Variants in TRAPPC9 observed in about 807,000 individuals in gnomAD.
TRAPPC9 encodes the protein trafficking protein particle complex subunit 9.
TRAPPC9 carries 83 observed loss-of-function variants against 124.0 expected under a neutral mutation model. The ratio of observed to expected loss-of-function variants is 0.67; its 90% CI spans 0.56 to 0.80. The LOEUF (loss-of-function observed/expected upper bound fraction) is 0.80, where lower values mean the gene tolerates loss of function less well. Among genes scored for constraint, TRAPPC9 ranks in the 30% least tolerant of loss-of-function variants. The pLI is 0.00. For synonymous variants in TRAPPC9, 638 were observed against 617.5 expected (o/e 1.03, Z -0.49); for missense variants, 1,302 against 1,508.3 (o/e 0.86, Z 2.27).
At chr8:140,286,841 A>T (rs1449663907) in intron 13 of TRAPPC9, among the ~76,000 whole-genome samples, 1 of 152,212 alleles carries the variant, frequency 6.6e-6, no homozygotes, top group Non-Finnish European at 1.5e-5. Flanking sequence ...AGGCCAGGGC[A>T]TCGGTGGGAT....
At chr8:139,737,432 C>T (rs1473742873) in intron 21 of TRAPPC9, among the ~76,000 whole-genome samples, 2 of 151,576 alleles carry the variant, frequency 1.3e-5, no homozygotes, top group Non-Finnish European at 2.9e-5. Flanking sequence ...CGCAGAGCAC[C>T]TTCCCACAGC....
intron 19 of TRAPPC9, among the ~76,000 whole-genome samples, chr8:139,971,748 TACAC>T (rs6150859): frequency 2.7e-5 from 4 of 145,964 alleles, no homozygotes; most frequent in Non-Finnish European, 4.5e-5. Context: ...CATATATATA[TACAC>T]ACACACACAC....
intron 5 of TRAPPC9, among the ~76,000 whole-genome samples, chr8:140,419,454 A>G (rs2070111440): frequency 7.5e-6 from 1 of 132,688 alleles, no homozygotes; most frequent in South Asian, 2.3e-4. Context: ...AAAAAAAAAC[A>G]AAACAAAACA....
chr8:139,763,271 T>C (rs1820360330), intron 21 of TRAPPC9, among the ~76,000 whole-genome samples: 1 of 152,198 alleles, frequency 6.6e-6, no homozygotes, highest in Non-Finnish European at 1.5e-5. Context: ...GATTAAAACG[T>C]GGCTCTGGCG....
At chr8:140,294,631 T>TG (rs1252412860) in intron 11 of TRAPPC9, among the ~76,000 whole-genome samples, 1 of 151,980 alleles carries the variant, frequency 6.6e-6, no homozygotes, top group Non-Finnish European at 1.5e-5. Flanking sequence ...TTTTTTGAGA[T>TG]GGAGTATCAC....
At chr8:140,121,752 C>T (rs942761500) in intron 17 of TRAPPC9, among the ~76,000 whole-genome samples, 4 of 152,172 alleles carry the variant, frequency 2.6e-5, no homozygotes, top group Admixed American at 2.0e-4. Flanking sequence ...TTAAAGGGCT[C>T]CTCTGGAGAG....
At chr8:140,361,037 A>C (rs557700735) in intron 8 of TRAPPC9, among the ~76,000 whole-genome samples, 3 of 152,232 alleles carry the variant, frequency 2.0e-5, no homozygotes, top group Admixed American at 6.5e-5. Flanking sequence ...GCTCCCAGCC[A>C]ATCTGTGTTA....
In TRAPPC9 at chr8:140,063,235, G is replaced by A. The variant is rs953986758; in HGVS notation, c.2557-39156C>T. On this transcript the variant is annotated intron_variant, in intron 17 of 22. Coordinates refer to ENST00000438773, the MANE Select transcript of TRAPPC9 (RefSeq NM_001160372.4). The surrounding 1 kb of genome is among the most constrained non-coding windows in gnomAD (Gnocchi z 4.3). ...GAGATTATAATTTACAGTGAGATTCGGGTGGGAGCACAAAGCCTAAGCATA... is the reference window on the plus strand; with the variant it reads ...GAGATTATAATTTACAGTGAGATTCAGGTGGGAGCACAAAGCCTAAGCATA... Among the ~76,000 whole-genome samples the A allele has an allele frequency of 2.0e-5, 3 of 152,088 alleles. No individual in the cohort carries two copies. Among genetic ancestry groups the A allele is most frequent in the Admixed American group, 1.3e-4 (2 of 15,276 alleles).
At chr8:140,331,446 G>A (rs934552961) in intron 9 of TRAPPC9, among the ~76,000 whole-genome samples, 1 of 151,968 alleles carries the variant, frequency 6.6e-6, no homozygotes, top group Non-Finnish European at 1.5e-5. Context: ...CAAAAGCACA[G>A]GCCAATAAAA....
At chr8:140,198,162 C>T (rs1210171764) in intron 17 of TRAPPC9, among the ~76,000 whole-genome samples, 1 of 152,220 alleles carries the variant, frequency 6.6e-6, no homozygotes, top group Non-Finnish European at 1.5e-5. Flanking sequence ...AACCTCCAAG[C>T]TGTCCTTGTT....
At chr8:139,946,653 T>C (rs1220524805) in intron 19 of TRAPPC9, among the ~76,000 whole-genome samples, 1 of 150,110 alleles carries the variant, frequency 6.7e-6, no homozygotes, top group African/African-American at 2.5e-5. Flanking sequence ...TGAAGAGATA[T>C]GAGAGTATCC....
intron 16 of TRAPPC9, among the ~76,000 whole-genome samples, chr8:140,238,724 G>A (rs1295036607): frequency 1.3e-5 from 2 of 152,220 alleles, no homozygotes; most frequent in Non-Finnish European, 2.9e-5. Context: ...CGAAGATGTA[G>A]AGAGCTGGAA....
rs1445643686 is a variant in TRAPPC9 at position 139,727,815 on chromosome 8, T to C, written c.*3246A>G. Among the ~76,000 whole-genome samples the C allele has an allele frequency of 6.6e-6, 1 of 152,218 alleles. No individual in the cohort carries two copies. Among genetic ancestry groups the C allele is most frequent in the Non-Finnish European group, 1.5e-5 (1 of 68,036 alleles). On this transcript the variant is annotated 3_prime_UTR_variant, in exon 23 of 23. Transcript: ENST00000438773. ...CTGTGTTAGAAAGTTCTTCCTTACA[T>C]GCTTCATGTTACCTAATACATTAAG...
intron 21 of TRAPPC9, among the ~76,000 whole-genome samples, chr8:139,792,405 C>T (rs78961805): frequency 0.018 from 2,701 of 152,342 alleles, 34 homozygotes; most frequent in Non-Finnish European, 0.029. Flanking sequence ...GTGTGCCACA[C>T]GCGTGTGCGC....
intron 17 of TRAPPC9, among the ~76,000 whole-genome samples, chr8:140,093,695 C>G (rs1050607828): frequency 6.7e-6 from 1 of 149,922 alleles, no homozygotes; most frequent in African/African-American, 2.5e-5. Context: ...AGACTTCAGA[C>G]AGTAAACTAA....
chr8:140,131,133 A>G (rs1484131605), intron 17 of TRAPPC9, among the ~76,000 whole-genome samples: 1 of 152,156 alleles, frequency 6.6e-6, no homozygotes, highest in African/African-American at 2.4e-5. Context: ...ATCCTCTATT[A>G]TTTCAAATTT....
chr8:140,414,899 C>A (rs1477433271), intron 5 of TRAPPC9, among the ~76,000 whole-genome samples: 4 of 152,034 alleles, frequency 2.6e-5, no homozygotes, highest in Non-Finnish European at 5.9e-5. Flanking sequence ...GCCAACATGC[C>A]CAACTAATTT....
intron 11 of TRAPPC9, among the ~76,000 whole-genome samples, chr8:140,294,218 C>G (rs1259930884): frequency 1.3e-5 from 2 of 152,122 alleles, no homozygotes; most frequent in African/African-American, 4.8e-5. Flanking sequence ...CCATGCCCCC[C>G]ACCTCCCAGG....
At chr8:140,248,482 G>A (rs922272304) in intron 16 of TRAPPC9, among the ~76,000 whole-genome samples, 14 of 152,310 alleles carry the variant, frequency 9.2e-5, no homozygotes, top group African/African-American at 2.6e-4. Context: ...TTGTGCAGAC[G>A]GTGAAACCGT....
Sources: allele counts gnomAD v4.1 joint callset (sites outside exome capture counted in the v4.1 genomes callset), GRCh38; gene constraint gnomAD v4.1.1; non-coding constraint Gnocchi (gnomAD v3.1); transcripts MANE v1.5; gene names NCBI Gene and HGNC (gene_info 2026-07-23, HGNC 2026-07-21).